Variants in DIPK1A observed in about 807,000 individuals in gnomAD.
The protein encoded by DIPK1A is family with sequence similarity 69 member A.
DIPK1A carries 27 observed loss-of-function variants against 40.8 expected under a neutral mutation model. The ratio of observed to expected loss-of-function variants is 0.66; its 90% CI spans 0.49 to 0.91. The LOEUF (loss-of-function observed/expected upper bound fraction) is 0.91. Ranked by LOEUF, DIPK1A falls within the 40% of genes least tolerant of loss-of-function variation. The pLI is 0.00. For synonymous variants in DIPK1A, 166 were observed against 171.3 expected (o/e 0.97, Z 0.24); for missense variants, 412 against 505.7 (o/e 0.81, Z 1.78).
At chr1:92,868,838 C>T (rs548316481) in intron 2 of DIPK1A, among the ~76,000 whole-genome samples, 30 of 151,706 alleles carry the variant, frequency 2.0e-4, no homozygotes, top group Admixed American at 1.6e-3. Context: ...TGGTGGCAGG[C>T]GCCTGTAATC....
intron 1 of DIPK1A, among the ~76,000 whole-genome samples, chr1:92,881,780 T>C (rs1648386495): frequency 6.6e-6 from 1 of 152,176 alleles, no homozygotes; most frequent in South Asian, 2.1e-4. Context: ...CTTTAGAAAC[T>C]GCAAGGAAAT....
intron 1 of DIPK1A, among the ~76,000 whole-genome samples, chr1:92,888,138 A>G (rs1341129498): frequency 6.6e-6 from 1 of 151,962 alleles, no homozygotes; most frequent in African/African-American, 2.4e-5. Flanking sequence ...TACTTCTCCT[A>G]TCTAGCTGTG....
intron 2 of DIPK1A, among the ~76,000 whole-genome samples, chr1:92,874,424 A>C (rs1353696223): frequency 6.6e-6 from 1 of 152,210 alleles, no homozygotes; most frequent in Non-Finnish European, 1.5e-5. Context: ...TTGGAGATGC[A>C]TAACACATAT....
In DIPK1A at chr1:92,865,897, C is replaced by T. The variant is rs374391164; in HGVS notation, c.189+10399G>A. Among the ~76,000 whole-genome samples the T allele has an allele frequency of 1.1e-4, 16 of 152,122 alleles. 1 individual carries two copies. The highest frequency in any genetic ancestry group is 3.4e-4 in the African/African-American group (14 of 41,508). ...TAATATGCACTGTACATAATTTATA[C>T]GAAATGCATATATAATTTGTTCAAC... On this transcript the variant is annotated intron_variant, in intron 2 of 4. Coordinates refer to ENST00000370310, the MANE Select transcript of DIPK1A (RefSeq NM_001006605.5).
At chr1:92,906,984 T>C (rs564442428) in intron 1 of DIPK1A, among the ~76,000 whole-genome samples, 116 of 152,330 alleles carry the variant, frequency 7.6e-4, no homozygotes, top group Middle Eastern at 3.4e-3. Context: ...GTGTCTGGGT[T>C]CAGTTAGGCT....
chr1:92,863,198 A>T (rs750287318), intron 2 of DIPK1A, among the ~76,000 whole-genome samples: 12 of 152,226 alleles, frequency 7.9e-5, no homozygotes, highest in Non-Finnish European at 1.6e-4. Flanking sequence ...GATACCTCTC[A>T]TCTCTGTATC....
intron 2 of DIPK1A, 69 bp from the exon 3 acceptor site, chr1:92,851,024 T>C (rs1407134094): frequency 1.1e-6 from 1 of 950,890 alleles, no homozygotes; most frequent in African/African-American, 1.7e-5. Context: ...AAGAGATATC[T>C]ATATCCTTTA....
intron 1 of DIPK1A, among the ~76,000 whole-genome samples, chr1:92,896,381 C>T (rs1649167433): frequency 6.6e-6 from 1 of 151,842 alleles, no homozygotes; most frequent in African/African-American, 2.4e-5. Flanking sequence ...CTTTGACAAA[C>T]CTGACAAAAA....
chr1:92,931,564 GA>G (rs35924388), intron 1 of DIPK1A: 78,462 of 121,126 alleles, frequency 0.65, 23,833 homozygotes, highest in East Asian at 0.92. Flanking sequence ...GCCATCTCTT[GA>G]AAAAAAAAAA....
downstream of DIPK1A, among the ~76,000 whole-genome samples, chr1:92,838,057 G>A (rs936794066): frequency 6.6e-6 from 1 of 152,180 alleles, no homozygotes; most frequent in African/African-American, 2.4e-5. Flanking sequence ...GTAGAAATGA[G>A]GGGAGCCATG....
chr1:92,846,561 C>A, intron 4 of DIPK1A: 1 of 433,090 alleles, frequency 2.3e-6, no homozygotes, highest in Non-Finnish European at 4.7e-6. Flanking sequence ...ACTCCCTCCT[C>A]ATATCTGGAC....
At chr1:92,867,345 C>T (rs537482279) in intron 2 of DIPK1A, among the ~76,000 whole-genome samples, 1 of 151,750 alleles carries the variant, frequency 6.6e-6, no homozygotes, top group Non-Finnish European at 1.5e-5. Context: ...TGGGCCACTG[C>T]GCCTGGCCCT....
chr1:92,922,755 C>G lies in DIPK1A; in HGVS notation c.54+38621G>C, dbSNP rs372850342. ...GCTATGTGCACAGCATATTTTGAAC[C>G]CTGGCATACATGAATGTCTGTAACC... On this transcript the variant is annotated intron_variant, in intron 1 of 4. Coordinates refer to ENST00000370310, the MANE Select transcript of DIPK1A (RefSeq NM_001006605.5). Among the ~76,000 whole-genome samples, 8 of 152,196 alleles carry G rather than the reference C, an allele frequency of 5.3e-5. No individual in the cohort carries two copies. In the South Asian group the frequency reaches 1.2e-3, roughly 24 times the overall value.
intron 2 of DIPK1A, among the ~76,000 whole-genome samples, chr1:92,853,268 T>G (rs1687877812): frequency 6.6e-6 from 1 of 152,140 alleles, no homozygotes; most frequent in Non-Finnish European, 1.5e-5. Flanking sequence ...CAAGGGAAAC[T>G]TCACATAAAT....
At chr1:92,886,563 G>T (rs1163807028) in intron 1 of DIPK1A, among the ~76,000 whole-genome samples, 1 of 151,706 alleles carries the variant, frequency 6.6e-6, no homozygotes, top group Non-Finnish European at 1.5e-5. Flanking sequence ...TTACAGCACA[G>T]GTGTGCCATA....
At chr1:92,923,137 A>ATGTTTG in intron 1 of DIPK1A, among the ~76,000 whole-genome samples, 1 of 151,458 alleles carries the variant, frequency 6.6e-6, no homozygotes, top group East Asian at 1.9e-4. Flanking sequence ...TTGTGTATGT[A>ATGTTTG]TGTTTGTTTT....
At chr1:92,942,721 G>A (rs1468126721) in intron 1 of DIPK1A, among the ~76,000 whole-genome samples, 4 of 152,076 alleles carry the variant, frequency 2.6e-5, no homozygotes, top group Non-Finnish European at 4.4e-5. Flanking sequence ...GTGCAGTGGC[G>A]CGATCTTGGC....
chr1:92,877,119 G>C, intron 1 of DIPK1A: 1 of 985,414 alleles, frequency 1.0e-6, no homozygotes, highest in Non-Finnish European at 1.2e-6. Context: ...CTTGCAAAGT[G>C]TAAAGCTGCA....
chr1:92,948,748 CATATATATGTATATATAT>C (rs1052726702), intron 1 of DIPK1A, among the ~76,000 whole-genome samples: 26 of 135,908 alleles, frequency 1.9e-4, no homozygotes, highest in African/African-American at 6.8e-4. Context: ...TGTATATATA[CATATATATGTATATATAT>C]GTGTGTGTGT....
Sources: allele counts gnomAD v4.1 joint callset (sites outside exome capture counted in the v4.1 genomes callset), GRCh38; gene constraint gnomAD v4.1.1; transcripts MANE v1.5; gene names NCBI Gene and HGNC (gene_info 2026-07-23, HGNC 2026-07-21).